Variants in NOL4 observed in about 807,000 individuals in gnomAD.
NOL4 encodes the protein nucleolar protein 4, also known as cancer/testis antigen 125.
In NOL4, 17 loss-of-function variants were observed where a neutral mutation model predicts 75.9. The observed-to-expected ratio is 0.22, with a 90% CI of 0.15 to 0.34. NOL4 has a LOEUF of 0.34. Among genes scored for constraint, NOL4 ranks in the 10% least tolerant of loss-of-function variants. The probability of loss-of-function intolerance (pLI) is 1.00; values close to 1 mark genes in which losing one functional copy is unlikely to be tolerated. For missense variants in NOL4, 614 were observed against 793.5 expected (o/e 0.77, Z 2.72); for synonymous variants, 292 against 289.9 (o/e 1.01, Z -0.07).
intron 6 of NOL4, among the ~76,000 whole-genome samples, chr18:34,010,328 A>G: frequency 6.6e-6 from 1 of 151,892 alleles, no homozygotes; most frequent in South Asian, 2.1e-4. Context: ...TACAAATGAC[A>G]GAATTTCGTT....
chr18:33,966,768 T>C, intron 6 of NOL4, among the ~76,000 whole-genome samples: 1 of 151,966 alleles, frequency 6.6e-6, no homozygotes, highest in Non-Finnish European at 1.5e-5. Flanking sequence ...TACTCTAGAA[T>C]ATATACAACC....
At chr18:33,994,543 C>T (rs1941347) in intron 6 of NOL4, among the ~76,000 whole-genome samples, 105,631 of 151,580 alleles carry the variant, frequency 0.7, 37,248 homozygotes, top group African/African-American at 0.79. Context: ...AAATAACCAA[C>T]TGGTCAATAA....
At chr18:34,089,178 A>G (rs1384135385) in intron 5 of NOL4, among the ~76,000 whole-genome samples, 2 of 152,248 alleles carry the variant, frequency 1.3e-5, no homozygotes, top group East Asian at 3.9e-4. Context: ...GGACATTTTT[A>G]TACCTACCTG....
chr18:34,061,714 A>C (rs2145135143), intron 5 of NOL4, among the ~76,000 whole-genome samples: 1 of 152,302 alleles, frequency 6.6e-6, no homozygotes, highest in African/African-American at 2.4e-5. Context: ...GAATAAATGA[A>C]AGACAATAAA....
At chr18:33,881,482 G>C (rs1441956525) in intron 10 of NOL4, among the ~76,000 whole-genome samples, 5 of 151,886 alleles carry the variant, frequency 3.3e-5, no homozygotes, top group African/African-American at 1.2e-4. Flanking sequence ...TGCCCATTCA[G>C]TATGATATTG....
intron 9 of NOL4, among the ~76,000 whole-genome samples, chr18:33,910,715 T>C (rs990880657): frequency 6.6e-6 from 1 of 152,160 alleles, no homozygotes; most frequent in East Asian, 1.9e-4. Context: ...GAGCAATGAG[T>C]ATACCTCTCC....
At position 34,224,284 on chromosome 18, in the gene NOL4, T is replaced by C. The variant is rs2037490644; in HGVS notation, c.-1031A>G. On this transcript the variant is annotated 5_prime_UTR_variant, in exon 1 of 11. The change creates a new upstream start codon in the 5' untranslated region. Coordinates refer to ENST00000261592, the MANE Select transcript of NOL4 (RefSeq NM_003787.5). ...AAAACCTTTGCACGAAATTAAAATA[T>C]ATACAGAAAGATCATTTTCCCCTTG... The C allele has an allele frequency of 1.3e-5, 2 of 152,306 alleles. No individual in the cohort carries two copies. Among genetic ancestry groups the C allele is most frequent in the South Asian group, 2.1e-4 (1 of 4,834 alleles). 9.4% of individuals were successfully genotyped at this position (152,306 alleles called of 1,614,324 possible).
At chr18:33,938,432 C>T (rs1045559332) in intron 9 of NOL4, among the ~76,000 whole-genome samples, 2 of 152,142 alleles carry the variant, frequency 1.3e-5, no homozygotes, top group Non-Finnish European at 2.9e-5. Context: ...TCCACATCCT[C>T]TCCAGCATCT....
At chr18:34,201,058 A>G (rs1035154360) in intron 1 of NOL4, among the ~76,000 whole-genome samples, 1 of 151,768 alleles carries the variant, frequency 6.6e-6, no homozygotes, top group Non-Finnish European at 1.5e-5. Context: ...ACTGTGAGAG[A>G]CACACAAAGA....
chr18:34,103,427 T>G (rs1401674368), intron 4 of NOL4, among the ~76,000 whole-genome samples: 1 of 152,042 alleles, frequency 6.6e-6, no homozygotes, highest in Non-Finnish European at 1.5e-5. Context: ...GAAATATGTT[T>G]TTAGTGTCTA....
chr18:33,930,782 A>G lies in NOL4; in HGVS notation c.1542+12283T>C, dbSNP rs79074322. On this transcript the variant is annotated intron_variant, in intron 9 of 10. Coordinates refer to ENST00000261592, the MANE Select transcript of NOL4 (RefSeq NM_003787.5). ...TGAATATCAAACAGAAATTTAATTT[A>G]TGATAGCTTTTGAAATTAAAAAGAA... 4.5e-3 allele frequency among the ~76,000 whole-genome samples: 683 copies of G among 152,312 alleles called. 19 individuals are homozygous for G. In the East Asian group the frequency reaches 0.079, roughly 18 times the overall value.
At chr18:34,034,570 C>A (rs111663587) in intron 5 of NOL4, among the ~76,000 whole-genome samples, 22,008 of 152,038 alleles carry the variant, frequency 0.14, 1,710 homozygotes, top group Middle Eastern at 0.2. Flanking sequence ...AAAACCCTGT[C>A]TCCACTAAAA....
chr18:34,040,782 A>G (rs1254002682), intron 5 of NOL4, among the ~76,000 whole-genome samples: 2 of 151,994 alleles, frequency 1.3e-5, no homozygotes, highest in Non-Finnish European at 2.9e-5. Context: ...CATGTGTGAT[A>G]TGCTCTGGTG....
chr18:34,069,627 A>C (rs570704683), intron 5 of NOL4, among the ~76,000 whole-genome samples: 17 of 152,278 alleles, frequency 1.1e-4, no homozygotes, highest in Non-Finnish European at 2.1e-4. Flanking sequence ...AGAAAATAAA[A>C]TTTTAAAAGA....
intron 10 of NOL4, among the ~76,000 whole-genome samples, chr18:33,870,145 C>T (rs1325877732): frequency 6.6e-6 from 1 of 152,072 alleles, no homozygotes; most frequent in Admixed American, 6.6e-5. Flanking sequence ...TTAACAAAAG[C>T]ATTACCTCAC....
intron 5 of NOL4, among the ~76,000 whole-genome samples, chr18:34,046,096 T>G (rs746111610): frequency 1.6e-4 from 24 of 152,302 alleles, no homozygotes; most frequent in Non-Finnish European, 2.2e-4. Flanking sequence ...TGCCCTTTTC[T>G]GTACTCTGGT....
chr18:34,078,959 A>G (rs28521759), intron 5 of NOL4, among the ~76,000 whole-genome samples: 23 of 152,312 alleles, frequency 1.5e-4, no homozygotes, highest in African/African-American at 5.5e-4. Flanking sequence ...ATAAATTCAC[A>G]TGGTCATCAA....
chr18:34,002,786 ACTTT>A lies in NOL4; in HGVS notation c.1056+16528_1056+16531del, dbSNP rs558561445. 1.5e-3 allele frequency among the ~76,000 whole-genome samples: 222 copies of A among 152,268 alleles called. 3 individuals carry two copies. Among genetic ancestry groups the A allele is most frequent in the Middle Eastern group, 0.014 (4 of 294 alleles). ...ACTCATACCAATTAAGTCCCCATTT[ACTTT>A]CTTATTTATGAAAAAAGGCACTACA... On this transcript the variant is annotated intron_variant, in intron 6 of 10. Transcript: ENST00000261592.
chr18:34,129,216 A>G (rs1053283473), intron 2 of NOL4, among the ~76,000 whole-genome samples: 9 of 152,072 alleles, frequency 5.9e-5, no homozygotes, highest in African/African-American at 1.9e-4. Context: ...GACACTATAT[A>G]TTTCGATATC....
Sources: allele counts gnomAD v4.1 joint callset (sites outside exome capture counted in the v4.1 genomes callset), GRCh38; gene constraint gnomAD v4.1.1; transcripts MANE v1.5; gene names NCBI Gene and HGNC (gene_info 2026-07-23, HGNC 2026-07-21).